IL12RB2: variants seen among roughly 807,000 people sequenced by gnomAD.
IL12RB2 encodes the protein interleukin-12 receptor subunit beta-2.
Under a neutral mutation model 89.4 loss-of-function variants are expected in IL12RB2, and 82 were observed. The ratio of observed to expected loss-of-function variants is 0.92; its 90% confidence interval spans 0.77 to 1.10. The LOEUF is 1.10. IL12RB2 is among the 50% of genes least tolerant of loss of function. The pLI is 0.00. For synonymous variants in IL12RB2, 368 were observed against 370.1 expected, an observed-to-expected ratio of 0.99 and a Z score of 0.07; for missense variants, 963 against 1,031.9, an observed-to-expected ratio of 0.93 and a Z score of 0.92.
In IL12RB2 at chr1:67,368,184, C is replaced by T. The variant is rs145750129; in HGVS notation, c.1459+159C>T. ...CACCCAGCAGCACTTTAGACTACTC[C>T]ACTGCAGACATAAATGACCAACTGG... On this transcript the variant is annotated intron_variant, in intron 11 of 16. Transcript: ENST00000674203. Among the ~76,000 whole-genome samples, 165 of 152,306 alleles carry T rather than the reference C, an allele frequency of 1.1e-3. 1 individual carries two copies. Among genetic ancestry groups the T allele is most frequent in the Admixed American group, 3.9e-3 (59 of 15,294 alleles).
At position 67,380,053 on chromosome 1, in the gene IL12RB2, C is replaced by T. The variant is rs1664415093; in HGVS notation, c.1785C>T (p.Val595=). Residue 595 remains valine (V), a synonymous_variant, in exon 14 of 17, where the codon GTC becomes GTT. Coordinates refer to ENST00000674203, the MANE Select transcript of IL12RB2 (RefSeq NM_001374259.2). ...GCCTGCAGCCCCGAGTGACATATGTCCTGTGGATGACAGCTCTGACAGCTG... is the reference window on the plus strand; with the variant it reads ...GCCTGCAGCCCCGAGTGACATATGTTCTGTGGATGACAGCTCTGACAGCTG... ...INSLQPRVTY[V]LWMTALTAAG... The T allele has an allele frequency of 2.5e-6, 4 of 1,613,494 alleles. No individual in the cohort carries two copies. The highest frequency in any genetic ancestry group is 1.3e-5 in the African/African-American group (1 of 74,898).
chr1:67,351,344 G>A (rs2100846405), intron 10 of IL12RB2, among the ~76,000 whole-genome samples: 1 of 152,048 alleles, frequency 6.6e-6, no homozygotes, highest in East Asian at 1.9e-4. Flanking sequence ...AGGTCATTTT[G>A]AAACTAAATA....
At chr1:67,367,069 G>A (rs574111671) in intron 10 of IL12RB2, among the ~76,000 whole-genome samples, 3 of 152,238 alleles carry the variant, frequency 2.0e-5, no homozygotes, top group Non-Finnish European at 1.5e-5. Context: ...TATTCACAAA[G>A]ATTAGGCACC....
At chr1:67,386,166 G>A (rs1049517523) in intron 14 of IL12RB2, among the ~76,000 whole-genome samples, 28 of 120,344 alleles carry the variant, frequency 2.3e-4, no homozygotes, top group Admixed American at 1.1e-3. Context: ...CTGAGATTGC[G>A]CCATTGCACT....
intron 15 of IL12RB2, among the ~76,000 whole-genome samples, chr1:67,388,725 G>A (rs145400989): frequency 2.5e-4 from 38 of 152,240 alleles, no homozygotes; most frequent in Middle Eastern, 3.4e-3. Context: ...TATATTTTTA[G>A]AATTTCCTTA....
intron 10 of IL12RB2, among the ~76,000 whole-genome samples, chr1:67,354,431 A>G (rs1330604769): frequency 1.3e-5 from 2 of 152,208 alleles, no homozygotes; most frequent in Non-Finnish European, 2.9e-5. Flanking sequence ...AAAAGAGGGA[A>G]GAGGAACACT....
At chr1:67,328,530 C>G (rs1322728285) in intron 6 of IL12RB2, 146 bp downstream of exon 6, 5 of 1,416,210 alleles carry the variant, frequency 3.5e-6, no homozygotes, top group Middle Eastern at 2.3e-4. Context: ...TACTTTGATG[C>G]AAGTAAAAGG....
intron 7 of IL12RB2, 28 bp from the exon 8 acceptor site, chr1:67,330,632 G>T: frequency 2.7e-6 from 3 of 1,113,886 alleles, no homozygotes; most frequent in Non-Finnish European, 4.1e-6. Context: ...AGTATTAATA[G>T]GCACTTTAAA....
chr1:67,388,495 G>A (rs1386059031), intron 15 of IL12RB2, among the ~76,000 whole-genome samples: 7 of 151,978 alleles, frequency 4.6e-5, no homozygotes, highest in Non-Finnish European at 1.5e-5. Flanking sequence ...ACAGGTGCCC[G>A]CCACCACGCC....
At chr1:67,321,477 G>A in intron 3 of IL12RB2, 125 bp from the exon 4 acceptor site, 1 of 733,092 alleles carries the variant, frequency 1.4e-6, no homozygotes, top group South Asian at 1.4e-5. Flanking sequence ...GAGACATGTA[G>A]GTTAATTATA....
intron 13 of IL12RB2, among the ~76,000 whole-genome samples, chr1:67,375,166 G>A (rs1453798936): frequency 1.3e-5 from 2 of 151,992 alleles, no homozygotes; most frequent in African/African-American, 4.8e-5. Context: ...AGGCCGAGGT[G>A]GGCAGATCGT....
chr1:67,351,631 T>A (rs140862627), intron 10 of IL12RB2, among the ~76,000 whole-genome samples: 1 of 152,152 alleles, frequency 6.6e-6, no homozygotes, highest in African/African-American at 2.4e-5. Flanking sequence ...ACCCCTTTCA[T>A]CAAAAACAAA....
At chr1:67,338,171 A>G (rs1452234955) in intron 8 of IL12RB2, among the ~76,000 whole-genome samples, 1 of 151,556 alleles carries the variant, frequency 6.6e-6, no homozygotes, top group African/African-American at 2.4e-5. Context: ...TGTATAAAAA[A>G]TACAGAAATT....
intron 1 of IL12RB2, among the ~76,000 whole-genome samples, chr1:67,309,941 G>A (rs1258722837): frequency 1.3e-5 from 2 of 152,038 alleles, no homozygotes; most frequent in African/African-American, 2.4e-5. Flanking sequence ...TTGGGAGGCC[G>A]AGGTGGGGGG....
Position 67,395,675 on chromosome 1 carries a change from C to T in IL12RB2, c.2175C>T (p.Asn725=), listed in dbSNP as rs776978853. The change falls in exon 17 of 17, where the codon AAC becomes AAT. Residue 725 remains asparagine, a synonymous_variant. Transcript: ENST00000674203. Reference sequence around the variant, plus strand: ...TTTTCAGACATCCCCCCTGCTCCAACTGGCCACAAAGGGAAAAAGGAATCC... The same window carrying T: ...TTTTCAGACATCCCCCCTGCTCCAATTGGCCACAAAGGGAAAAAGGAATCC... The part of the protein sequence containing the change: ...TPVFRHPPCS[N]WPQREKGIQG... The T allele has an allele frequency of 7.4e-6, 12 of 1,614,202 alleles. No individual in the cohort carries two copies. The South Asian group carries it at 1.3e-4, about 18-fold the overall frequency.
chr1:67,350,481 T>C (rs1007921454), intron 9 of IL12RB2, among the ~76,000 whole-genome samples: 6 of 152,234 alleles, frequency 3.9e-5, no homozygotes, highest in Non-Finnish European at 7.3e-5. Flanking sequence ...AAATGGAGAC[T>C]CAGAGGGGCT....
intron 8 of IL12RB2, among the ~76,000 whole-genome samples, chr1:67,332,485 G>A (rs1658223963): frequency 6.6e-6 from 1 of 151,816 alleles, no homozygotes; most frequent in South Asian, 2.1e-4. Context: ...CAAAGTGCTG[G>A]GATTACAGAA....
intron 15 of IL12RB2, among the ~76,000 whole-genome samples, chr1:67,387,700 C>CAAAA (rs10667103): frequency 0.013 from 1,279 of 100,416 alleles, 20 homozygotes; most frequent in Middle Eastern, 0.022. Flanking sequence ...AAGACTGTCT[C>CAAAA]AAAAAAAAAA....
intron 13 of IL12RB2, among the ~76,000 whole-genome samples, chr1:67,379,509 C>CCAAAAA (rs764501901): frequency 1.8e-4 from 12 of 68,492 alleles, no homozygotes; most frequent in Non-Finnish European, 3.1e-4. Flanking sequence ...GAACCTGTCT[C>CCAAAAA]AAAAAAAAAA....
Sources: allele counts gnomAD v4.1 joint callset (sites outside exome capture counted in the v4.1 genomes callset), GRCh38; gene constraint gnomAD v4.1.1; transcripts MANE v1.5; gene names NCBI Gene and HGNC (gene_info 2026-07-23, HGNC 2026-07-21).